Variants in DPH7 observed in about 807,000 individuals in gnomAD.
DPH7 encodes the protein diphthamide biosynthesis 7.
A neutral mutation model predicts 41.7 loss-of-function variants in DPH7; 44 were observed. The observed-to-expected ratio is 1.05, with a 90% confidence interval of 0.83 to 1.36. The LOEUF (loss-of-function observed/expected upper bound fraction) is 1.36, where lower values mean the gene tolerates loss of function less well. DPH7 is among the 40% of genes most tolerant of loss of function. DPH7 has a pLI of 0.00. For missense variants in DPH7, 629 were observed against 577.5 expected, an observed-to-expected ratio of 1.09 and a Z score of -0.91; for synonymous variants, 275 against 238.0, an observed-to-expected ratio of 1.16 and a Z score of -1.43.
rs572397257 is a variant in DPH7, at chr9:137,575,149, G to A, written c.376-306C>T. ...CATCCTTGCGCTCCTAGATGCTGTC[G>A]AGATGCCTGTGCAGGCTCCAGACCA... is the stretch of plus-strand genomic sequence containing the variant. On this transcript the variant is annotated intron_variant, in intron 3 of 8. Transcript: ENST00000277540. The A allele has an allele frequency of 8.1e-5, 89 of 1,096,482 alleles. No homozygotes were observed. The African/African-American group carries it at 1.3e-3, about 17-fold the overall frequency. The allele number at this position is 1,096,482 out of a possible 1,614,324, so 67.9% of individuals were successfully genotyped here. A position where few individuals can be genotyped will look rare whatever the true frequency, so the allele number is the denominator to read the frequency against.
chr9:137,562,705 G>A (rs892551340), intron 8 of DPH7, among the ~76,000 whole-genome samples: 1 of 151,090 alleles, frequency 6.6e-6, no homozygotes, highest in African/African-American at 2.4e-5. Context: ...GCTGGGCACG[G>A]TGGCTCATGC....
chr9:137,578,060 G>A, intron 1 of DPH7: 2 of 920,612 alleles, frequency 2.2e-6, no homozygotes, highest in South Asian at 5.0e-5. Context: ...GCTCGTGCCT[G>A]TGGTGCCAGC....
At chr9:137,563,941 C>T (rs1480338658) in intron 8 of DPH7, among the ~76,000 whole-genome samples, 3 of 152,306 alleles carry the variant, frequency 2.0e-5, no homozygotes, top group South Asian at 4.1e-4. Context: ...ATTCCAGCCA[C>T]GTTCTCCGGC....
intron 8 of DPH7, among the ~76,000 whole-genome samples, chr9:137,558,901 C>A (rs1838004019): frequency 6.6e-6 from 1 of 152,050 alleles, no homozygotes; most frequent in African/African-American, 2.4e-5. Context: ...GGTGATCCGC[C>A]CGCCTCAGCC....
At chr9:137,561,264 T>C (rs1233619604) in intron 8 of DPH7, among the ~76,000 whole-genome samples, 2 of 152,068 alleles carry the variant, frequency 1.3e-5, no homozygotes, top group African/African-American at 2.4e-5. Flanking sequence ...AATGGAACAA[T>C]GTGGCATCAT....
intron 8 of DPH7, among the ~76,000 whole-genome samples, chr9:137,562,010 A>G (rs1450620513): frequency 6.6e-6 from 1 of 152,118 alleles, no homozygotes; most frequent in Non-Finnish European, 1.5e-5. Flanking sequence ...GACTGCAGGC[A>G]CCCACCACAG....
chr9:137,568,209 G>A (rs1839777243), intron 5 of DPH7, among the ~76,000 whole-genome samples: 1 of 20,448 alleles, frequency 4.9e-5, no homozygotes, highest in Non-Finnish European at 8.8e-5. Flanking sequence ...GTGACTGTCT[G>A]TGAGGAAGCT....
intron 5 of DPH7, among the ~76,000 whole-genome samples, chr9:137,570,956 T>C (rs975392057): frequency 4.6e-5 from 7 of 152,086 alleles, no homozygotes; most frequent in African/African-American, 1.7e-4. Flanking sequence ...TTACTGTCTG[T>C]CTCCCCGCCA....
rs549575338 is a variant in DPH7, at chr9:137,575,686, G to A, written c.375+394C>T. On this transcript the variant is annotated intron_variant, in intron 3 of 8. Transcript: ENST00000277540. Reference sequence around the variant, plus strand: ...GGCTCCAGAGCACTGTGAGAAACTCGGAAAAATTCACACAGGACTCACGTG... The same window carrying A: ...GGCTCCAGAGCACTGTGAGAAACTCAGAAAAATTCACACAGGACTCACGTG... 2.0e-5 allele frequency: 21 copies of A among 1,033,040 alleles called. No homozygotes were observed. The East Asian group carries it at 2.4e-4, about 12-fold the overall frequency. The allele number at this position is 1,033,040 out of a possible 1,614,324, so 64.0% of individuals were successfully genotyped here.
Position 137,564,432 on chromosome 9 carries a change from A to C in DPH7, c.949+2T>G. The C allele has an allele frequency of 6.2e-7, 1 of 1,611,142 alleles. No individual in the cohort carries two copies. The highest frequency in any genetic ancestry group is 1.1e-5 in the South Asian group (1 of 90,928). On this transcript the variant is annotated splice_donor_variant, in intron 8 of 8. Coordinates refer to ENST00000277540, the MANE Select transcript of DPH7 (RefSeq NM_138778.5). LOFTEE classifies it high-confidence loss of function. ...GCCCAGCAGCCACGGGTCCCCACTC[A>C]CCCATTGCCTTTTGGCAGTTGAGGA...
In DPH7 at chr9:137,554,634, T is replaced by C. The variant is rs1323408943; in HGVS notation, c.*605A>G. Reference sequence around the variant, plus strand: ...GTTTTACTTTTTATAGAGACTGGGTTTTGCTATGTTGCCCAGGCTGGTCTT... The same window carrying C: ...GTTTTACTTTTTATAGAGACTGGGTCTTGCTATGTTGCCCAGGCTGGTCTT... On this transcript the variant is annotated 3_prime_UTR_variant, in exon 9 of 9. Coordinates refer to ENST00000277540, the MANE Select transcript of DPH7 (RefSeq NM_138778.5). Among the ~76,000 whole-genome samples, 3 of 151,940 alleles carry C rather than the reference T, an allele frequency of 2.0e-5. No homozygotes were observed.
Position 137,556,390 on chromosome 9 carries a change from G to C in DPH7, c.950-742C>G, listed in dbSNP as rs1253998098. On this transcript the variant is annotated intron_variant, in intron 8 of 8. Coordinates refer to ENST00000277540, the MANE Select transcript of DPH7 (RefSeq NM_138778.5). The surrounding 1 kb of genome is among the most constrained non-coding windows in gnomAD (Gnocchi z 5.2). ...AGGTGAGCCAGGGGCTGCAAGGCTG[G>C]GTGGCCACTTGGGCTCTGAAAGGGC... 1.3e-5 allele frequency among the ~76,000 whole-genome samples: 2 copies of C among 152,194 alleles called. No individual in the cohort carries two copies. The highest frequency in any genetic ancestry group is 4.8e-5 in the African/African-American group (2 of 41,466).
intron 3 of DPH7, 184 bp from the exon 4 acceptor site, chr9:137,575,027 TG>T: frequency 7.1e-7 from 1 of 1,400,998 alleles, no homozygotes; most frequent in Non-Finnish European, 9.3e-7. Context: ...CGAGAAGACC[TG>T]GGGACACTGG....
intron 2 of DPH7, 24 bp from the exon 3 acceptor site, chr9:137,576,191 C>G: frequency 6.2e-7 from 1 of 1,607,476 alleles, no homozygotes; most frequent in South Asian, 1.1e-5. Context: ...CCACCATAAG[C>G]ACACCAATGT....
chr9:137,577,242 G>T (rs76596233), intron 2 of DPH7, among the ~76,000 whole-genome samples: 2 of 152,026 alleles, frequency 1.3e-5, no homozygotes, highest in Non-Finnish European at 2.9e-5. Context: ...AACAAAAGAC[G>T]CCCCAGGTTA....
intron 5 of DPH7, among the ~76,000 whole-genome samples, chr9:137,573,471 G>A (rs941874988): frequency 2.0e-5 from 3 of 148,956 alleles, no homozygotes; most frequent in Non-Finnish European, 3.0e-5. Context: ...GAGGTCAGGA[G>A]ATCGAGACCA....
chr9:137,573,862 T>C (rs1840914037), intron 5 of DPH7, among the ~76,000 whole-genome samples: 1 of 151,994 alleles, frequency 6.6e-6, no homozygotes, highest in South Asian at 2.1e-4. Context: ...GGTCAGGAGA[T>C]AGAGACCAGC....
At chr9:137,564,761 G>T in intron 7 of DPH7, 132 bp downstream of exon 7, 1 of 1,422,006 alleles carries the variant, frequency 7.0e-7, no homozygotes, top group Non-Finnish European at 9.7e-7. Context: ...CTACACTCCG[G>T]CGAAGCACTG....
At chr9:137,574,684 T>C in intron 4 of DPH7, 68 bp downstream of exon 4, 2 of 1,500,494 alleles carry the variant, frequency 1.3e-6, no homozygotes, top group Non-Finnish European at 1.8e-6. Context: ...GCTGGAGCCC[T>C]CTAGCCTGAA....
Sources: allele counts gnomAD v4.1 joint callset (sites outside exome capture counted in the v4.1 genomes callset), GRCh38; gene constraint gnomAD v4.1.1; non-coding constraint Gnocchi (gnomAD v3.1); transcripts MANE v1.5; gene names NCBI Gene and HGNC (gene_info 2026-07-23, HGNC 2026-07-21).